The following GABRB3 variants were observed in gnomAD, a reference collection of about 807,000 sequenced individuals.
GABRB3 encodes the protein gamma-aminobutyric acid type A receptor subunit beta3, also known as gamma-aminobutyric acid receptor subunit beta-3.
Under a neutral mutation model 52.1 loss-of-function variants are expected in GABRB3, and 14 were observed. That is an observed-to-expected ratio of 0.27 (90% CI 0.18 to 0.42). The LOEUF is 0.42. GABRB3 is among the 10% of genes least tolerant of loss of function. GABRB3 has a pLI of 1.00. For synonymous variants in GABRB3, 260 were observed against 232.3 expected, an observed-to-expected ratio of 1.12 and a Z score of -1.08; for missense variants, 307 against 609.1, an observed-to-expected ratio of 0.50 and a Z score of 5.22.
At chr15:26,690,687 G>A (rs1463919724) in intron 3 of GABRB3, among the ~76,000 whole-genome samples, 1 of 151,862 alleles carries the variant, frequency 6.6e-6, no homozygotes, top group Non-Finnish European at 1.5e-5. Context: ...CCCACTTAGT[G>A]TTTGTGCTGT....
In GABRB3 at chr15:26,574,180, T is replaced by G. The variant is rs564493466; in HGVS notation, c.682+6139A>C. 2.6e-5 allele frequency among the ~76,000 whole-genome samples: 4 copies of G among 152,344 alleles called. No homozygotes were observed. The East Asian group carries it at 7.7e-4, about 29-fold the overall frequency. ...ATATGAAAAGATAGTCAACATCATT[T>G]AGTCATTAGGGAAATGCATGTCAAG... is the stretch of plus-strand genomic sequence containing the variant. On this transcript the variant is annotated intron_variant, in intron 6 of 8. Transcript: ENST00000311550.
intron 3 of GABRB3, among the ~76,000 whole-genome samples, chr15:26,660,838 T>TG (rs1192244169): frequency 3.9e-5 from 6 of 152,078 alleles, no homozygotes; most frequent in African/African-American, 7.2e-5. Flanking sequence ...TTGTTTGGTT[T>TG]GGGGGGGCAA....
At chr15:26,625,814 G>A (rs552472738) in intron 3 of GABRB3, among the ~76,000 whole-genome samples, 59 of 152,244 alleles carry the variant, frequency 3.9e-4, no homozygotes, top group African/African-American at 1.1e-3. Flanking sequence ...GGAGGTAGCA[G>A]TAGACACCAA....
At chr15:26,601,634 A>G (rs1891593329) in intron 4 of GABRB3, among the ~76,000 whole-genome samples, 1 of 152,214 alleles carries the variant, frequency 6.6e-6, no homozygotes, top group African/African-American at 2.4e-5. Flanking sequence ...AAGTGGAGAC[A>G]AAGTTTTATT....
intron 3 of GABRB3, among the ~76,000 whole-genome samples, chr15:26,738,142 G>A (rs1483198169): frequency 6.6e-6 from 1 of 152,098 alleles, no homozygotes; most frequent in Non-Finnish European, 1.5e-5. Context: ...GAGTGCAATG[G>A]TGTGACCTCG....
At chr15:26,764,993 G>A (rs1333445848) in intron 3 of GABRB3, among the ~76,000 whole-genome samples, 2 of 152,022 alleles carry the variant, frequency 1.3e-5, no homozygotes, top group African/African-American at 4.8e-5. Context: ...AGCTGGGTGT[G>A]GTGGCGGGCA....
intron 3 of GABRB3, among the ~76,000 whole-genome samples, chr15:26,668,683 G>C (rs886600102): frequency 6.6e-6 from 1 of 152,160 alleles, no homozygotes; most frequent in African/African-American, 2.4e-5. Context: ...ACATAGCTAA[G>C]ATTAAATCAT....
intron 3 of GABRB3, among the ~76,000 whole-genome samples, chr15:26,636,879 A>G (rs1261979064): frequency 2.6e-5 from 4 of 152,120 alleles, no homozygotes; most frequent in African/African-American, 9.7e-5. Context: ...GTTCCACCAT[A>G]CCTTATCACC....
chr15:26,753,150 C>T (rs902049995), intron 3 of GABRB3, among the ~76,000 whole-genome samples: 2 of 152,188 alleles, frequency 1.3e-5, no homozygotes, highest in African/African-American at 2.4e-5. Context: ...CCCGGATGTC[C>T]ACAGGCACTT....
At chr15:26,656,751 C>A (rs780555373) in intron 3 of GABRB3, among the ~76,000 whole-genome samples, 2 of 152,218 alleles carry the variant, frequency 1.3e-5, no homozygotes, top group Admixed American at 6.5e-5. Flanking sequence ...CCAAACCATA[C>A]CCCTCCCCCA....
At chr15:26,713,243 G>T (rs1406681021) in intron 3 of GABRB3, among the ~76,000 whole-genome samples, 1 of 152,228 alleles carries the variant, frequency 6.6e-6, no homozygotes, top group African/African-American at 2.4e-5. Context: ...GACTGTAGGG[G>T]AAGGGCAGTG....
chr15:26,687,672 T>C (rs1322877679), intron 3 of GABRB3, among the ~76,000 whole-genome samples: 1 of 152,226 alleles, frequency 6.6e-6, no homozygotes, highest in Non-Finnish European at 1.5e-5. Flanking sequence ...TTTCACTTAA[T>C]TGAGAAAAGT....
At position 26,618,818 on chromosome 15, in the gene GABRB3, C is replaced by T. The variant is rs527565065; in HGVS notation, c.461+2496G>A. Among the ~76,000 whole-genome samples, 59 of 151,984 alleles carry T rather than the reference C, an allele frequency of 3.9e-4. No individual in the cohort carries two copies. The South Asian group carries it at 0.01, about 26-fold the overall frequency. ...TCCACAATGAACTCAAACAAATTTA[C>T]AAGAAAAAAACAAACAATCCCATCA... is the stretch of plus-strand genomic sequence containing the variant. On this transcript the variant is annotated intron_variant, in intron 4 of 8. Transcript: ENST00000311550.
At chr15:26,602,837 T>A (rs1373301026) in intron 4 of GABRB3, among the ~76,000 whole-genome samples, 1 of 151,864 alleles carries the variant, frequency 6.6e-6, no homozygotes, top group Non-Finnish European at 1.5e-5. Flanking sequence ...AAATAACCAT[T>A]TCCACTGATG....
chr15:26,549,779 T>G (rs1217839334), intron 8 of GABRB3, among the ~76,000 whole-genome samples: 1 of 151,992 alleles, frequency 6.6e-6, no homozygotes, highest in African/African-American at 2.4e-5. Context: ...CCTCCCAGCA[T>G]CACCTCATTG....
rs561720276 is a variant in GABRB3 at position 26,546,253 on chromosome 15, C to T, written c.*1540G>A. 6.6e-6 allele frequency: 1 copy of T among 152,556 alleles called. No individual in the cohort carries two copies. The highest frequency in any genetic ancestry group is 1.5e-5 in the Non-Finnish European group (1 of 68,030). The allele number at this position is 152,556 out of a possible 1,614,324, so 9.5% of individuals were successfully genotyped here. ...CCTGTTTGCACAACTGTAGTCATTT[C>T]AGTTTATGGATGCCTGTGATAGAAA... On this transcript the variant is annotated 3_prime_UTR_variant, in exon 9 of 9. Transcript: ENST00000311550.
At chr15:26,611,157 A>G (rs1464874895) in intron 4 of GABRB3, among the ~76,000 whole-genome samples, 1 of 152,158 alleles carries the variant, frequency 6.6e-6, no homozygotes, top group Admixed American at 6.6e-5. Context: ...AGTTTTGTAT[A>G]ATATCTCAGT....
At chr15:26,751,946 C>T (rs556807246) in intron 3 of GABRB3, among the ~76,000 whole-genome samples, 2 of 152,154 alleles carry the variant, frequency 1.3e-5, no homozygotes, top group South Asian at 2.1e-4. Context: ...GGCTAATAAA[C>T]GAAAAATATA....
chr15:26,725,864 C>G (rs1889758250), intron 3 of GABRB3, among the ~76,000 whole-genome samples: 1 of 152,160 alleles, frequency 6.6e-6, no homozygotes, highest in Non-Finnish European at 1.5e-5. Context: ...GTTGAACCAT[C>G]AAAAATCAAA....
Sources: gnomAD v4.1 joint callset for allele counts (sites outside exome capture counted in the v4.1 genomes callset) on GRCh38, gnomAD v4.1.1 for gene constraint, MANE v1.5 for transcripts, NCBI Gene and HGNC (gene_info 2026-07-23, HGNC 2026-07-21) for gene names.